Variants in RPF2 observed in about 807,000 individuals in gnomAD.
RPF2 encodes the protein ribosome production factor 2 homolog, also known as brix domain containing 1.
Under a neutral mutation model 38.9 loss-of-function variants are expected in RPF2, and 21 were observed. The ratio of observed to expected loss-of-function variants is 0.54; its 90% CI spans 0.38 to 0.78. RPF2 has a LOEUF of 0.78. Among genes scored for constraint, RPF2 ranks in the 30% least tolerant of loss-of-function variants. RPF2 has a pLI of 0.00. For synonymous variants in RPF2, 121 were observed against 126.2 expected (o/e 0.96, Z 0.28); for missense variants, 314 against 358.1 (o/e 0.88, Z 0.99).
At position 111,011,652 on chromosome 6, in the gene RPF2, C is replaced by G. The variant is rs181539121; in HGVS notation, c.493+3515C>G. On this transcript the variant is annotated intron_variant, in intron 7 of 9. Transcript: ENST00000441448. ...AGCTAAGATTTCCATTACTTGTACT[C>G]CATTGACCTAGATTTTCTGCCTTTT... is the stretch of plus-strand genomic sequence containing the variant. 3.3e-5 allele frequency among the ~76,000 whole-genome samples: 5 copies of G among 152,250 alleles called. No individual in the cohort carries two copies. In the East Asian group the frequency reaches 5.8e-4, roughly 18 times the overall value.
At chr6:111,019,528 G>A (rs1319942528) in intron 8 of RPF2, among the ~76,000 whole-genome samples, 2 of 152,094 alleles carry the variant, frequency 1.3e-5, no homozygotes, top group African/African-American at 2.4e-5. Flanking sequence ...CCTGAGGTCA[G>A]TAGTTCCAGA....
chr6:110,990,586 GT>G (rs1771603959), intron 3 of RPF2, among the ~76,000 whole-genome samples: 2 of 55,926 alleles, frequency 3.6e-5, no homozygotes, highest in African/African-American at 5.2e-5. Flanking sequence ...CTTTTCTTTT[GT>G]TTGTTTTTTT....
intron 6 of RPF2, among the ~76,000 whole-genome samples, chr6:111,002,873 A>G (rs968674928): frequency 4.6e-5 from 7 of 151,852 alleles, no homozygotes; most frequent in African/African-American, 1.5e-4. Context: ...GATTCAAGCA[A>G]TTCTCCTGCC....
chr6:110,999,779 G>T lies in RPF2; in HGVS notation c.385G>T (p.Asp129Tyr). 1 of 1,551,504 alleles carries T rather than the reference G, an allele frequency of 6.4e-7. No homozygotes were observed. Among genetic ancestry groups the T allele is most frequent in the Middle Eastern group, 1.7e-4 (1 of 5,906 alleles). The change falls in exon 6 of 10, where the codon GAC (aspartate) becomes TAC (tyrosine). Residue 129 changes from aspartate (D) to tyrosine (Y), a missense_variant. Physicochemically the swap from Asp to Tyr is radical, Grantham distance 160. Transcript: ENST00000441448. ...LGIENFVSLKDIKNSKCPEGT... is the reference protein window; with the variant it reads ...LGIENFVSLKYIKNSKCPEGT... ...TATTGAGAATTTTGTCTCTCTAAAA[G>T]ACATTAAGGTAAGATACTCATAGAA...
rs567120964 is a variant in RPF2, at chr6:111,007,946, C to CA, written c.394-84dup. On this transcript the variant is annotated intron_variant, in intron 6 of 9. Transcript: ENST00000441448. ...TGGATGACAGAGTGAGACTCCATCT[C>CA]AAAAAAAATAAATAAAAATAAAAAA... 1,791 of 1,284,110 alleles carry CA rather than the reference C, an allele frequency of 1.4e-3. 25 individuals are homozygous for CA. In the African/African-American group the frequency reaches 0.026, roughly 18 times the overall value. 79.5% of individuals were successfully genotyped at this position (1,284,110 alleles called of 1,614,324 possible).
chr6:111,022,509 G>A (rs1390191885), intron 8 of RPF2, among the ~76,000 whole-genome samples: 1 of 152,136 alleles, frequency 6.6e-6, no homozygotes, highest in Non-Finnish European at 1.5e-5. Context: ...ACACAGAAAA[G>A]TATGACATTG....
chr6:110,982,061 G>A lies in RPF2; in HGVS notation c.-46G>A, dbSNP rs1373386995. ...CTGTTCCGGCGCACGTAATCGCCGA[G>A]GGCACGTGCATGCCCCCTGGTTAAG... On this transcript the variant is annotated 5_prime_UTR_variant, in exon 1 of 10. Coordinates refer to ENST00000441448, the MANE Select transcript of RPF2 (RefSeq NM_032194.3). 1 of 1,612,768 alleles carries A rather than the reference G, an allele frequency of 6.2e-7. No individual in the cohort carries two copies. Among genetic ancestry groups the A allele is most frequent in the African/African-American group, 1.3e-5 (1 of 75,044 alleles).
At chr6:111,000,361 C>T (rs955520259) in intron 6 of RPF2, among the ~76,000 whole-genome samples, 2 of 152,112 alleles carry the variant, frequency 1.3e-5, no homozygotes, top group African/African-American at 4.8e-5. Flanking sequence ...TGGTGTGAGC[C>T]AAAGCACCTG....
chr6:111,023,361 A>G (rs1194179306), intron 8 of RPF2, among the ~76,000 whole-genome samples: 5 of 152,228 alleles, frequency 3.3e-5, no homozygotes, highest in South Asian at 2.1e-4. Flanking sequence ...TGTCTGTGCT[A>G]TGAGGAAAAG....
At chr6:110,993,103 G>A (rs945251204) in intron 4 of RPF2, among the ~76,000 whole-genome samples, 5 of 152,036 alleles carry the variant, frequency 3.3e-5, no homozygotes, top group African/African-American at 9.7e-5. Context: ...GCAGGTGCAC[G>A]ACACGATGCC....
chr6:110,996,162 G>A (rs563275344), intron 4 of RPF2, among the ~76,000 whole-genome samples: 1 of 142,270 alleles, frequency 7.0e-6, no homozygotes, highest in African/African-American at 2.6e-5. Context: ...TGCTCTTATT[G>A]TCCAAACTGG....
intron 2 of RPF2, among the ~76,000 whole-genome samples, chr6:110,988,793 A>C (rs995056629): frequency 7.9e-5 from 12 of 152,166 alleles, no homozygotes; most frequent in Non-Finnish European, 1.3e-4. Flanking sequence ...AAATTGTTTA[A>C]GTTGGATAGA....
At chr6:110,997,064 G>C (rs1294481105) in intron 4 of RPF2, 119 bp from the exon 5 acceptor site, 1 of 665,440 alleles carries the variant, frequency 1.5e-6, no homozygotes, top group Non-Finnish European at 2.7e-6. Context: ...GGCGTCCCAA[G>C]TGCTGGGATT....
At chr6:111,024,417 T>A in intron 9 of RPF2, 90 bp downstream of exon 9, 1 of 1,350,912 alleles carries the variant, frequency 7.4e-7, no homozygotes, top group Non-Finnish European at 1.0e-6. Flanking sequence ...CATATTATAT[T>A]AAAAGACAAG....
intron 3 of RPF2, among the ~76,000 whole-genome samples, chr6:110,991,180 A>T (rs1307146600): frequency 1.3e-5 from 2 of 152,218 alleles, no homozygotes; most frequent in Non-Finnish European, 2.9e-5. Flanking sequence ...CATATACTTT[A>T]AATCATCTCT....
At position 111,011,300 on chromosome 6, in the gene RPF2, C is replaced by T. The variant is rs556048939; in HGVS notation, c.493+3163C>T. 4.9e-3 allele frequency among the ~76,000 whole-genome samples: 603 copies of T among 122,010 alleles called. 6 individuals carry two copies. Among genetic ancestry groups the T allele is most frequent in the Middle Eastern group, 0.019 (4 of 214 alleles). The allele number at this position is 122,010 out of a possible 152,430, so 80.0% of individuals were successfully genotyped here. On this transcript the variant is annotated intron_variant, in intron 7 of 9. Transcript: ENST00000441448. ...TTTTTCTTTCTTTCTTTCTTTCTTTCTTTCTTTCTTTTTTTTTTTGAGACA... is the reference window on the plus strand; with the variant it reads ...TTTTTCTTTCTTTCTTTCTTTCTTTTTTTCTTTCTTTTTTTTTTTGAGACA...
chr6:111,010,134 T>C (rs1205829125), intron 7 of RPF2, among the ~76,000 whole-genome samples: 1 of 151,046 alleles, frequency 6.6e-6, no homozygotes, highest in Non-Finnish European at 1.5e-5. Flanking sequence ...TTTTCTTTTT[T>C]TTTTTTCTTT....
chr6:110,997,363 C>G (rs1771733978), intron 5 of RPF2, 99 bp downstream of exon 5: 6 of 696,290 alleles, frequency 8.6e-6, no homozygotes, highest in Non-Finnish European at 1.0e-5. Context: ...CTTGCCTCTT[C>G]AGAGGAAATA....
chr6:111,009,591 G>T (rs564034706), intron 7 of RPF2, among the ~76,000 whole-genome samples: 33 of 152,148 alleles, frequency 2.2e-4, no homozygotes, highest in Non-Finnish European at 4.0e-4. Context: ...ACCTTGTGAG[G>T]TTGTTCTACA....
Sources: gnomAD v4.1 joint callset for allele counts (sites outside exome capture counted in the v4.1 genomes callset) on GRCh38, gnomAD v4.1.1 for gene constraint, MANE v1.5 for transcripts, NCBI Gene and HGNC (gene_info 2026-07-23, HGNC 2026-07-21) for gene names.